The following STUM variants were observed in gnomAD, a reference collection of about 807,000 sequenced individuals.
STUM encodes the protein stum, mechanosensory transduction mediator homolog.
Under a neutral mutation model 15.3 loss-of-function variants are expected in STUM, and 8 were observed. The observed-to-expected ratio is 0.52, with a 90% CI of 0.31 to 0.94. The LOEUF (loss-of-function observed/expected upper bound fraction) is 0.94. STUM is among the 40% of genes least tolerant of loss of function. The pLI is 0.05. For missense variants in STUM, 142 were observed against 204.9 expected (o/e 0.69, Z 1.87); for synonymous variants, 78 against 88.7 (o/e 0.88, Z 0.68).
At position 226,573,493 on chromosome 1, in the gene STUM, G is replaced by A. The variant is rs371798791; in HGVS notation, c.203-23309G>A. The stretch of plus-strand genomic sequence containing the variant: ...CCAGGTGCTCAAAGATGTCCTCAAG[G>A]CTCTGGTTTTCTTTCCAGCTCTTGG... On this transcript the variant is annotated intron_variant, in intron 1 of 3. Transcript: ENST00000366788. Among the ~76,000 whole-genome samples the A allele has an allele frequency of 3.2e-4, 49 of 152,202 alleles. 1 individual carries two copies. The South Asian group carries it at 8.3e-3, about 26-fold the overall frequency.
Position 226,552,885 on chromosome 1 carries a change from G to T in STUM, c.202+3779G>T, listed in dbSNP as rs1667393132. Among the ~76,000 whole-genome samples, 1 of 152,026 alleles carries T rather than the reference G, an allele frequency of 6.6e-6. No individual in the cohort carries two copies. The highest frequency in any genetic ancestry group is 6.6e-5 in the Admixed American group (1 of 15,260). On this transcript the variant is annotated intron_variant, in intron 1 of 3. Transcript: ENST00000366788. The surrounding 1 kb of genome is among the most constrained non-coding windows in gnomAD (Gnocchi z 4.7). ...TCTGAGTAGATCTTAAACTCCTGGG[G>T]AGCAGCAACTATTTTAAATGTCTTC...
intron 1 of STUM, among the ~76,000 whole-genome samples, chr1:226,555,565 CCTGATCAGTAT>C (rs1667434342): frequency 6.6e-6 from 1 of 152,244 alleles, no homozygotes; most frequent in Admixed American, 6.5e-5. Context: ...GCTTTCCAAG[CCTGATCAGTAT>C]CTGACCACTT....
At chr1:226,592,293 C>T (rs1429160355) in intron 1 of STUM, among the ~76,000 whole-genome samples, 1 of 152,234 alleles carries the variant, frequency 6.6e-6, no homozygotes, top group African/African-American at 2.4e-5. Flanking sequence ...GGTGATCCAC[C>T]TGCCATGGCC....
In STUM at chr1:226,602,060, G is replaced by A. The variant is rs781560504; in HGVS notation, c.*20G>A. 3.1e-6 allele frequency: 5 copies of A among 1,601,472 alleles called. No homozygotes were observed. The Admixed American group carries it at 5.0e-5, about 16-fold the overall frequency. On this transcript the variant is annotated 3_prime_UTR_variant, in exon 4 of 4. Transcript: ENST00000366788. ...CTGTGAGCCCACGGGAGCCGCTGGG[G>A]AGATCCAGGGGGGCCCTGTGAGGGC...
chr1:226,557,064 G>T (rs548325648), intron 1 of STUM, among the ~76,000 whole-genome samples: 1 of 152,058 alleles, frequency 6.6e-6, no homozygotes, highest in South Asian at 2.1e-4. Context: ...CTGTGCAATA[G>T]AACTCAAAAA....
rs1668371740 is a variant in STUM at position 226,606,949 on chromosome 1, C to G, written c.*4909C>G. On this transcript the variant is annotated 3_prime_UTR_variant, in exon 4 of 4. Transcript: ENST00000366788. ...GTGCTTGGAAATGATGCCGTCACCT[C>G]CACACTCCTGCTGTTCCAGCCTCTG... is the stretch of plus-strand genomic sequence containing the variant. The G allele has an allele frequency of 6.6e-6, 1 of 152,322 alleles. No individual in the cohort carries two copies. Among genetic ancestry groups the G allele is most frequent in the Admixed American group, 6.5e-5 (1 of 15,290 alleles). The allele number at this position is 152,322 out of a possible 1,614,324, so 9.4% of individuals were successfully genotyped here. A position where few individuals can be genotyped will look rare whatever the true frequency, so the allele number is the denominator to read the frequency against.
At chr1:226,592,818 G>A (rs973201627) in intron 1 of STUM, among the ~76,000 whole-genome samples, 4 of 152,156 alleles carry the variant, frequency 2.6e-5, no homozygotes, top group East Asian at 3.9e-4. Flanking sequence ...ACCAAGCCCT[G>A]AGCCCACATC....
chr1:226,597,451 C>T (rs1668200665), intron 2 of STUM: 1 of 472,486 alleles, frequency 2.1e-6, no homozygotes, highest in South Asian at 1.5e-5. Flanking sequence ...AATAATTGAC[C>T]TCACCTCTCA....
intron 1 of STUM, among the ~76,000 whole-genome samples, chr1:226,587,861 T>G (rs929551739): frequency 6.6e-6 from 1 of 152,160 alleles, no homozygotes; most frequent in Admixed American, 6.5e-5. Context: ...TATTGGCCAC[T>G]GGGAACTGCC....
chr1:226,587,117 A>G (rs1363618998), intron 1 of STUM, among the ~76,000 whole-genome samples: 2 of 152,174 alleles, frequency 1.3e-5, no homozygotes, highest in East Asian at 3.9e-4. Flanking sequence ...CCCGCCACAG[A>G]GTGCCCAGGC....
chr1:226,579,388 G>C (rs1667881443), intron 1 of STUM, among the ~76,000 whole-genome samples: 1 of 152,190 alleles, frequency 6.6e-6, no homozygotes, highest in Non-Finnish European at 1.5e-5. Flanking sequence ...TGCGTGCTGG[G>C]AATACAGTGG....
chr1:226,594,390 G>A (rs1340082029), intron 1 of STUM, among the ~76,000 whole-genome samples: 1 of 152,206 alleles, frequency 6.6e-6, no homozygotes, highest in African/African-American at 2.4e-5. Context: ...CAAAGAGCAG[G>A]AACTGAGAGA....
At chr1:226,558,548 C>T (rs1310191979) in intron 1 of STUM, among the ~76,000 whole-genome samples, 1 of 152,170 alleles carries the variant, frequency 6.6e-6, no homozygotes, top group Non-Finnish European at 1.5e-5. Context: ...TAGTTCAACA[C>T]ACCAACTGGA....
intron 1 of STUM, among the ~76,000 whole-genome samples, chr1:226,572,920 T>A (rs1285342766): frequency 2.6e-5 from 4 of 152,140 alleles, no homozygotes; most frequent in African/African-American, 4.8e-5. Context: ...CAAGAGGGAC[T>A]CTCCCAGGTC....
intron 1 of STUM, among the ~76,000 whole-genome samples, chr1:226,593,180 C>T (rs1289133662): frequency 5.2e-5 from 5 of 97,024 alleles, no homozygotes; most frequent in African/African-American, 1.9e-4. Context: ...AGTGAGACTC[C>T]GTCTCAAAAA....
chr1:226,552,864 A>G lies in STUM; in HGVS notation c.202+3758A>G, dbSNP rs150489936. Among the ~76,000 whole-genome samples the G allele has an allele frequency of 2.1e-3, 322 of 152,118 alleles. 2 individuals are homozygous for G. Among genetic ancestry groups the G allele is most frequent in the African/African-American group, 7.6e-3 (315 of 41,472 alleles). On this transcript the variant is annotated intron_variant, in intron 1 of 3. Transcript: ENST00000366788. The surrounding 1 kb of genome is among the most constrained non-coding windows in gnomAD (Gnocchi z 4.7). ...TGAGACTTTATTCTTTGTCTATCTG[A>G]GTAGATCTTAAACTCCTGGGGAGCA...
chr1:226,562,709 G>A (rs953561625), intron 1 of STUM, among the ~76,000 whole-genome samples: 1 of 152,104 alleles, frequency 6.6e-6, no homozygotes, highest in African/African-American at 2.4e-5. Flanking sequence ...TTCTTCAAAA[G>A]CATCATTGTC....
At chr1:226,598,461 A>G (rs1191127244) in intron 2 of STUM, among the ~76,000 whole-genome samples, 2 of 152,164 alleles carry the variant, frequency 1.3e-5, no homozygotes, top group African/African-American at 2.4e-5. Context: ...GTAGGTCTCA[A>G]TAATGTATGT....
At chr1:226,575,808 G>A (rs2102697998) in intron 1 of STUM, among the ~76,000 whole-genome samples, 1 of 152,366 alleles carries the variant, frequency 6.6e-6, no homozygotes, top group South Asian at 2.1e-4. Flanking sequence ...CACGCCAATA[G>A]ATAGTCAGCC....
Sources: allele counts gnomAD v4.1 joint callset (sites outside exome capture counted in the v4.1 genomes callset), GRCh38; gene constraint gnomAD v4.1.1; non-coding constraint Gnocchi (gnomAD v3.1); transcripts MANE v1.5; gene names NCBI Gene and HGNC (gene_info 2026-07-23, HGNC 2026-07-21).